The following WAPL variants were observed in gnomAD, a reference collection of about 807,000 sequenced individuals.
WAPL encodes the protein wings apart-like protein homolog.
WAPL carries 5 observed loss-of-function variants against 121.0 expected under a neutral mutation model. That is an observed-to-expected ratio of 0.04 (90% CI 0.02 to 0.09). The LOEUF is 0.09. Ranked by LOEUF, WAPL falls within the 10% of genes least tolerant of loss-of-function variation. The pLI is 1.00. For synonymous variants in WAPL, 480 were observed against 481.5 expected (o/e 1.00, Z 0.04); for missense variants, 999 against 1,410.8 (o/e 0.71, Z 4.68).
chr10:86,471,876 C>T (rs1410144363), intron 7 of WAPL, among the ~76,000 whole-genome samples: 2 of 152,074 alleles, frequency 1.3e-5, no homozygotes, highest in Non-Finnish European at 2.9e-5. Context: ...CACACATGAT[C>T]CTCCCAACTT....
intron 4 of WAPL, among the ~76,000 whole-genome samples, chr10:86,483,794 CTTTTTTTTTT>C (rs35725128): frequency 5.3e-3 from 369 of 69,280 alleles, no homozygotes; most frequent in Middle Eastern, 0.019. Context: ...ATTTTTTTTT[CTTTTTTTTTT>C]TTTTTTTTTT....
chr10:86,505,559 T>C (rs1448359907), intron 2 of WAPL, among the ~76,000 whole-genome samples: 1 of 152,010 alleles, frequency 6.6e-6, no homozygotes, highest in Non-Finnish European at 1.5e-5. Flanking sequence ...AGTGCTAGGA[T>C]TACAGGCATG....
chr10:86,439,274 A>G lies in WAPL; in HGVS notation c.3412-1259T>C, dbSNP rs1327267365. 3.3e-5 allele frequency among the ~76,000 whole-genome samples: 5 copies of G among 152,232 alleles called. No homozygotes were observed. The South Asian group carries it at 6.2e-4, about 19-fold the overall frequency. On this transcript the variant is annotated intron_variant, in intron 17 of 18. Transcript: ENST00000298767. ...GAAAAGATCTAATCAAAACACTGCT[A>G]AAGTACTCATGTGCTGAAGATATCA...
chr10:86,496,991 T>A (rs1225978809), intron 4 of WAPL, among the ~76,000 whole-genome samples: 2 of 152,188 alleles, frequency 1.3e-5, no homozygotes, highest in Admixed American at 6.5e-5. Context: ...GTGAAAGTAA[T>A]GCCACTGACT....
At chr10:86,462,468 C>T (rs1383388737) in intron 9 of WAPL, among the ~76,000 whole-genome samples, 2 of 152,088 alleles carry the variant, frequency 1.3e-5, no homozygotes, top group East Asian at 1.9e-4. Flanking sequence ...GTATGTAATC[C>T]CAGCACTTTG....
At chr10:86,442,581 C>T (rs1849496654) in intron 17 of WAPL, among the ~76,000 whole-genome samples, 1 of 152,100 alleles carries the variant, frequency 6.6e-6, no homozygotes, top group African/African-American at 2.4e-5. Context: ...AACTTTATTT[C>T]ACTTTTTAAA....
intron 4 of WAPL, among the ~76,000 whole-genome samples, chr10:86,486,179 T>C (rs969102566): frequency 6.6e-6 from 1 of 152,260 alleles, no homozygotes. Flanking sequence ...GATCTCAAGA[T>C]AGTCAGTGAG....
intron 11 of WAPL, 71 bp downstream of exon 11, chr10:86,460,328 C>T: frequency 1.6e-6 from 2 of 1,218,978 alleles, no homozygotes; most frequent in Non-Finnish European, 2.4e-6. Context: ...AAATATTTGG[C>T]AGTCTCTCTC....
intron 17 of WAPL, among the ~76,000 whole-genome samples, chr10:86,438,253 CTTTTTTTT>C (rs11402864): frequency 7.2e-6 from 1 of 138,548 alleles, no homozygotes; most frequent in Non-Finnish European, 1.5e-5. Flanking sequence ...TACACATTTA[CTTTTTTTT>C]TTTTTTTTTT....
chr10:86,515,864 C>CTTTTT (rs377683656), intron 2 of WAPL, among the ~76,000 whole-genome samples: 1,344 of 101,134 alleles, frequency 0.013, 55 homozygotes, highest in East Asian at 0.019. Flanking sequence ...CTGTCTATGC[C>CTTTTT]TTTTTTTTTT....
chr10:86,438,134 G>A (rs948751097), intron 17 of WAPL, 119 bp from the exon 18 acceptor site: 21 of 636,942 alleles, frequency 3.3e-5, no homozygotes, highest in African/African-American at 5.5e-5. Flanking sequence ...CTTGGAACAC[G>A]TGGTTATTTA....
At chr10:86,520,422 A>C (rs1842652465) in intron 1 of WAPL, among the ~76,000 whole-genome samples, 1 of 152,244 alleles carries the variant, frequency 6.6e-6, no homozygotes, top group Non-Finnish European at 1.5e-5. Flanking sequence ...AAGTGTATAG[A>C]TGAAATAAAT....
At position 86,472,422 on chromosome 10, in the gene WAPL, A is replaced by G. The variant is rs755036705; in HGVS notation, c.1894-78T>C. On this transcript the variant is annotated intron_variant, in intron 6 of 18. Transcript: ENST00000298767. The surrounding 1 kb of genome is among the most constrained non-coding windows in gnomAD (Gnocchi z 4.2). ...AATCTATGGGCTCACTGTACTTTAC[A>G]TAAGTGCATAAAATAGTTCATTAGA... The G allele has an allele frequency of 1.8e-5, 27 of 1,538,296 alleles. No individual in the cohort carries two copies. In the African/African-American group the frequency reaches 1.8e-4, roughly 10 times the overall value.
At chr10:86,480,148 T>C (rs1841749619) in intron 4 of WAPL, among the ~76,000 whole-genome samples, 1 of 152,232 alleles carries the variant, frequency 6.6e-6, no homozygotes, top group Non-Finnish European at 1.5e-5. Flanking sequence ...AATCCACATC[T>C]AACGAGAAGA....
At chr10:86,498,829 T>TACTGAGTCTACAGTG in intron 3 of WAPL, among the ~76,000 whole-genome samples, 1 of 152,302 alleles carries the variant, frequency 6.6e-6, no homozygotes, top group African/African-American at 2.4e-5. Context: ...CCTTAGTCAC[T>TACTGAGTCTACAGTG]ACTGAGTCTA....
chr10:86,492,602 C>G (rs1028400847), intron 4 of WAPL, among the ~76,000 whole-genome samples: 1 of 152,094 alleles, frequency 6.6e-6, no homozygotes, highest in Non-Finnish European at 1.5e-5. Flanking sequence ...CCCCACCGCC[C>G]CCCACCAAAA....
At position 86,477,571 on chromosome 10, in the gene WAPL, G is replaced by T. The variant is rs565566826; in HGVS notation, c.1645-3598C>A. 5.7e-4 allele frequency among the ~76,000 whole-genome samples: 87 copies of T among 152,292 alleles called. 2 individuals are homozygous for T. The South Asian group carries it at 0.017, about 30-fold the overall frequency. ...TAATCCCAGCATTTTGGTAGGCCGA[G>T]ACAGGTGGATCACCTGAGGTCAGGA... On this transcript the variant is annotated intron_variant, in intron 4 of 18. Transcript: ENST00000298767.
At chr10:86,469,786 G>A (rs1159187450) in intron 8 of WAPL, among the ~76,000 whole-genome samples, 1 of 152,060 alleles carries the variant, frequency 6.6e-6, no homozygotes, top group East Asian at 1.9e-4. Flanking sequence ...AATTATTTTT[G>A]GAAATTAGGA....
chr10:86,500,322 T>C lies in WAPL; in HGVS notation c.921A>G (p.Gly307=). Residue 307 remains glycine, a synonymous_variant, in exon 3 of 19, where the codon GGA becomes GGG. Coordinates refer to ENST00000298767, the MANE Select transcript of WAPL (RefSeq NM_015045.5). Reference sequence around the variant, plus strand: ...CCATCAGCTTATCAAAATTTGATGCTCCTTGGGAGGATTTCGTTTTATTGG... The same window carrying C: ...CCATCAGCTTATCAAAATTTGATGCCCCTTGGGAGGATTTCGTTTTATTGG... ...CRANKTKSSQ[G]ASNFDKLMDG... is the part of the protein sequence containing the mutation. 6.2e-7 allele frequency: 1 copy of C among 1,614,246 alleles called. No individual in the cohort carries two copies. Among genetic ancestry groups the C allele is most frequent in the Non-Finnish European group, 8.5e-7 (1 of 1,180,044 alleles).
Sources: gnomAD v4.1 joint callset for allele counts (sites outside exome capture counted in the v4.1 genomes callset) on GRCh38, gnomAD v4.1.1 for gene constraint, Gnocchi (gnomAD v3.1) non-coding constraint, MANE v1.5 for transcripts, NCBI Gene and HGNC (gene_info 2026-07-23, HGNC 2026-07-21) for gene names.